NCMAP: variants seen among roughly 807,000 people sequenced by gnomAD.
NCMAP encodes the protein noncompact myelin-associated protein.
A neutral mutation model predicts 7.8 loss-of-function variants in NCMAP; 8 were observed. The observed-to-expected ratio is 1.02, with a 90% CI of 0.60 to 1.84. The LOEUF (loss-of-function observed/expected upper bound fraction) is 1.84. NCMAP is among the 40% of genes most tolerant of loss of function. The pLI is 0.00. For synonymous variants in NCMAP, 41 were observed against 52.9 expected (o/e 0.78, Z 0.98); for missense variants, 112 against 131.4 (o/e 0.85, Z 0.72).
intron 2 of NCMAP, among the ~76,000 whole-genome samples, chr1:24,597,181 C>T (rs767744876): frequency 1.1e-4 from 16 of 151,980 alleles, no homozygotes; most frequent in Middle Eastern, 3.2e-3. Flanking sequence ...ATCAGGAAGA[C>T]GAGAATAATT....
At chr1:24,583,793 C>T (rs541446026) in intron 1 of NCMAP, among the ~76,000 whole-genome samples, 1 of 151,856 alleles carries the variant, frequency 6.6e-6, no homozygotes, top group South Asian at 2.1e-4. Context: ...TCAGAGTGTC[C>T]CCAGGAATAC....
intron 1 of NCMAP, among the ~76,000 whole-genome samples, chr1:24,581,658 A>G (rs906367938): frequency 6.6e-6 from 1 of 152,176 alleles, no homozygotes; most frequent in East Asian, 1.9e-4. Flanking sequence ...TCTAGTCTGT[A>G]AAGGGATTGA....
intron 1 of NCMAP, among the ~76,000 whole-genome samples, chr1:24,559,918 T>C (rs1444012250): frequency 2.0e-5 from 3 of 152,108 alleles, no homozygotes; most frequent in African/African-American, 7.2e-5. Flanking sequence ...TCCCAGCACT[T>C]TGGGAGGCCG....
chr1:24,560,030 G>A (rs866144008), intron 1 of NCMAP, among the ~76,000 whole-genome samples: 8 of 151,910 alleles, frequency 5.3e-5, no homozygotes, highest in African/African-American at 1.7e-4. Context: ...GCGTGGTGGC[G>A]GGCGCCTGTG....
chr1:24,573,005 T>C (rs1170501882), intron 1 of NCMAP, among the ~76,000 whole-genome samples: 2 of 150,518 alleles, frequency 1.3e-5, no homozygotes, highest in African/African-American at 2.5e-5. Context: ...TGCCCAGTGG[T>C]GGGCATGGAA....
intron 1 of NCMAP, among the ~76,000 whole-genome samples, chr1:24,581,418 C>G (rs538189193): frequency 6.6e-6 from 1 of 152,316 alleles, no homozygotes; most frequent in Non-Finnish European, 1.5e-5. Context: ...TGACCGGCCC[C>G]TGCTTTCTTT....
chr1:24,598,400 C>T (rs1024371607), intron 2 of NCMAP, among the ~76,000 whole-genome samples: 1 of 151,890 alleles, frequency 6.6e-6, no homozygotes, highest in African/African-American at 2.4e-5. Context: ...CCATCCTCCA[C>T]CCCCCCAAGG....
chr1:24,565,616 T>TGTG (rs1651207919), intron 1 of NCMAP, among the ~76,000 whole-genome samples: 1 of 107,426 alleles, frequency 9.3e-6, no homozygotes, highest in Non-Finnish European at 2.1e-5. Flanking sequence ...GTGTGTGTGT[T>TGTG]TTGAGACAGT....
chr1:24,564,527 A>AAC lies in NCMAP; in HGVS notation c.-8+8359_-8+8360insCA, dbSNP rs1651158811. ...AGATTCTGTCTCAAAAAAAAAAAAA[A>AAC]AAAAACAAAAAAAAACCTGAGAGAG... On this transcript the variant is annotated intron_variant, in intron 1 of 3. Coordinates refer to ENST00000374392, the MANE Select transcript of NCMAP (RefSeq NM_001010980.5). Among the ~76,000 whole-genome samples the AAC allele has an allele frequency of 1.3e-4, 19 of 142,872 alleles. 1 individual carries two copies. The highest frequency in any genetic ancestry group is 2.0e-4 in the Non-Finnish European group (13 of 65,684). The allele number at this position is 142,872 out of a possible 152,430, so 93.7% of individuals were successfully genotyped here. A position where few individuals can be genotyped will look rare whatever the true frequency, so the allele number is the denominator to read the frequency against.
chr1:24,596,202 A>G (rs1008302465), intron 2 of NCMAP, among the ~76,000 whole-genome samples: 1 of 152,020 alleles, frequency 6.6e-6, no homozygotes, highest in Admixed American at 6.6e-5. Context: ...GAACCTGGGA[A>G]GCAGAGGTTG....
chr1:24,566,703 G>A (rs1301308278), intron 1 of NCMAP, among the ~76,000 whole-genome samples: 18 of 152,326 alleles, frequency 1.2e-4, no homozygotes, highest in Non-Finnish European at 4.4e-5. Flanking sequence ...CCCCAGGGAA[G>A]AGGCTGGAGG....
At chr1:24,588,963 TGAA>T (rs547469084) in intron 1 of NCMAP, among the ~76,000 whole-genome samples, 3 of 152,188 alleles carry the variant, frequency 2.0e-5, no homozygotes, top group Non-Finnish European at 4.4e-5. Context: ...GGAGGGTTTT[TGAA>T]GAAGGGGCTG....
intron 1 of NCMAP, 119 bp downstream of exon 1, chr1:24,556,288 G>A (rs1650893075): frequency 6.6e-6 from 1 of 152,356 alleles, no homozygotes; most frequent in Non-Finnish European, 1.5e-5. Flanking sequence ...AGGGCCCGGG[G>A]GTGGGGACGA....
chr1:24,597,666 A>AT lies in NCMAP; in HGVS notation c.82+2154_82+2155insT, dbSNP rs1557602685. On this transcript the variant is annotated intron_variant, in intron 2 of 3. Transcript: ENST00000374392. ...AAGAAAGAAAGAAAGAAAGAAAGAA[A>AT]GAAAGAAAAGAAAAAGAAAGAAAGA... Among the ~76,000 whole-genome samples the AT allele has an allele frequency of 1.5e-3, 212 of 139,714 alleles. 2 individuals are homozygous for AT. The Middle Eastern group carries it at 0.02, about 13-fold the overall frequency. 91.7% of individuals were successfully genotyped at this position (139,714 alleles called of 152,430 possible). A position where few individuals can be genotyped will look rare whatever the true frequency, so the allele number is the denominator to read the frequency against.
chr1:24,594,036 C>T (rs1652136560), intron 1 of NCMAP, among the ~76,000 whole-genome samples: 1 of 140,006 alleles, frequency 7.1e-6, no homozygotes, highest in African/African-American at 2.4e-5. Flanking sequence ...GGATTACAGG[C>T]ACCCACCACC....
At chr1:24,585,202 G>A (rs1651847173) in intron 1 of NCMAP, among the ~76,000 whole-genome samples, 1 of 152,138 alleles carries the variant, frequency 6.6e-6, no homozygotes, top group Non-Finnish European at 1.5e-5. Flanking sequence ...GGGGTGGGGA[G>A]CTTATGATAA....
intron 1 of NCMAP, among the ~76,000 whole-genome samples, chr1:24,577,412 T>TTTTTTTTG (rs1557596550): frequency 6.9e-6 from 1 of 145,260 alleles, no homozygotes; most frequent in African/African-American, 2.5e-5. Flanking sequence ...TTTTTTTTTT[T>TTTTTTTTG]TTTTTTTTTT....
Position 24,606,732 on chromosome 1 carries a change from G to T in NCMAP, c.*985G>T, listed in dbSNP as rs1222607461. 6.6e-6 allele frequency: 1 copy of T among 152,168 alleles called. No individual in the cohort carries two copies. Among genetic ancestry groups the T allele is most frequent in the African/African-American group, 2.4e-5 (1 of 41,408 alleles). 9.4% of individuals were successfully genotyped at this position (152,168 alleles called of 1,614,324 possible). A position where few individuals can be genotyped will look rare whatever the true frequency, so the allele number is the denominator to read the frequency against. ...CTCGTCTGTGACTCCTTAGCCTGGA[G>T]AACAATCTACCAAGAAGAGAAAGTA... is the stretch of plus-strand genomic sequence containing the variant. On this transcript the variant is annotated 3_prime_UTR_variant, in exon 4 of 4. Transcript: ENST00000374392.
intron 1 of NCMAP, among the ~76,000 whole-genome samples, chr1:24,568,120 G>C (rs1651282634): frequency 6.6e-6 from 1 of 152,144 alleles, no homozygotes; most frequent in African/African-American, 2.4e-5. Flanking sequence ...TCACAGTCCA[G>C]AGCTTCCTCC....
Sources: gnomAD v4.1 joint callset for allele counts (sites outside exome capture counted in the v4.1 genomes callset) on GRCh38, gnomAD v4.1.1 for gene constraint, MANE v1.5 for transcripts, NCBI Gene and HGNC (gene_info 2026-07-23, HGNC 2026-07-21) for gene names.